The following PTPRM variants were observed in gnomAD, a reference collection of about 807,000 sequenced individuals.
PTPRM encodes the protein protein tyrosine phosphatase receptor type M.
In PTPRM, 47 loss-of-function variants were observed where a neutral mutation model predicts 186.7. The ratio of observed to expected loss-of-function variants is 0.25; its 90% CI spans 0.20 to 0.32. The LOEUF is 0.32. PTPRM is among the 10% of genes least tolerant of loss of function. PTPRM has a pLI of 1.00. For synonymous variants in PTPRM, 668 were observed against 674.9 expected (o/e 0.99, Z 0.16); for missense variants, 1,494 against 1,865.0 (o/e 0.80, Z 3.66).
chr18:7,710,746 G>A (rs556604894), intron 1 of PTPRM, among the ~76,000 whole-genome samples: 1 of 152,216 alleles, frequency 6.6e-6, no homozygotes, highest in East Asian at 1.9e-4. Context: ...CTGCTATATA[G>A]CAACAATGAT....
At chr18:7,691,161 T>C (rs1368855336) in intron 1 of PTPRM, among the ~76,000 whole-genome samples, 2 of 152,186 alleles carry the variant, frequency 1.3e-5, no homozygotes, top group East Asian at 3.8e-4. Flanking sequence ...CCAACTTCTT[T>C]ATAGGGAAAT....
At chr18:8,224,888 G>A (rs533571882) in intron 14 of PTPRM, among the ~76,000 whole-genome samples, 4 of 152,124 alleles carry the variant, frequency 2.6e-5, no homozygotes, top group South Asian at 2.1e-4. Flanking sequence ...TCTTATTTTG[G>A]TAAGAATTTT....
chr18:7,925,146 A>G (rs1449379044), intron 4 of PTPRM, among the ~76,000 whole-genome samples: 1 of 152,206 alleles, frequency 6.6e-6, no homozygotes, highest in Non-Finnish European at 1.5e-5. Flanking sequence ...TAAAAGAGAA[A>G]TTCATTTAGG....
intron 29 of PTPRM, among the ~76,000 whole-genome samples, chr18:8,383,820 C>T (rs2095754651): frequency 6.6e-6 from 1 of 152,198 alleles, no homozygotes; most frequent in Non-Finnish European, 1.5e-5. Flanking sequence ...AATCCACATG[C>T]AATCCCAGCC....
At chr18:8,385,775 A>G (rs1344266625) in intron 30 of PTPRM, among the ~76,000 whole-genome samples, 2 of 152,212 alleles carry the variant, frequency 1.3e-5, no homozygotes, top group African/African-American at 2.4e-5. Flanking sequence ...CAATGGTGTA[A>G]TTTACATTTT....
chr18:7,693,287 C>T (rs1156986407), intron 1 of PTPRM, among the ~76,000 whole-genome samples: 1 of 152,176 alleles, frequency 6.6e-6, no homozygotes, highest in Non-Finnish European at 1.5e-5. Flanking sequence ...TTCTTACCAT[C>T]CTTATGAAGG....
intron 7 of PTPRM, among the ~76,000 whole-genome samples, chr18:8,043,105 T>G (rs2086795558): frequency 6.6e-6 from 1 of 152,188 alleles, no homozygotes; most frequent in Non-Finnish European, 1.5e-5. Flanking sequence ...AAGGGAGATG[T>G]GAAGAGAACA....
intron 7 of PTPRM, among the ~76,000 whole-genome samples, chr18:8,041,355 G>A (rs547645313): frequency 6.6e-6 from 1 of 152,100 alleles, no homozygotes; most frequent in South Asian, 2.1e-4. Context: ...CAGCTCCTTG[G>A]TGGTATATAG....
In PTPRM at chr18:7,959,403, C is replaced by T. The variant is rs138540633; in HGVS notation, c.1132+3989C>T. 4.9e-3 allele frequency among the ~76,000 whole-genome samples: 741 copies of T among 152,268 alleles called. 6 individuals are homozygous for T. The highest frequency in any genetic ancestry group is 0.017 in the African/African-American group (701 of 41,552). ...TTATTTTGGCCAAGCTCTGTGTTTT[C>T]GTTTCTGTGCTGCATCAGTGACACC... On this transcript the variant is annotated intron_variant, in intron 7 of 32. Transcript: ENST00000580170.
intron 7 of PTPRM, among the ~76,000 whole-genome samples, chr18:8,048,340 A>G (rs2087217117): frequency 6.6e-6 from 1 of 151,712 alleles, no homozygotes; most frequent in Admixed American, 6.6e-5. Context: ...TAGAACCTGT[A>G]TTTTCCTTCT....
intron 17 of PTPRM, 44 bp downstream of exon 17, chr18:8,248,220 T>C (rs768382814): frequency 6.7e-7 from 1 of 1,502,610 alleles, no homozygotes; most frequent in Admixed American, 1.7e-5. Flanking sequence ...AGGAGTAATT[T>C]AGAAAGTCAG....
intron 32 of PTPRM, among the ~76,000 whole-genome samples, chr18:8,395,707 G>T (rs559103656): frequency 6.6e-6 from 1 of 152,084 alleles, no homozygotes; most frequent in South Asian, 2.1e-4. Context: ...TTCTAGAAGG[G>T]GCAGAAAGGA....
rs141225394 is a variant in PTPRM, at chr18:7,933,971, T to C, written c.663+7288T>C. Among the ~76,000 whole-genome samples the C allele has an allele frequency of 1.7e-3, 264 of 152,346 alleles. 2 individuals are homozygous for C. Among genetic ancestry groups the C allele is most frequent in the African/African-American group, 6.1e-3 (255 of 41,592 alleles). ...ATCTTTCCTAAATCTTCATTTCTTG[T>C]ACCCTTTGCCTAGGTTTTCTTATTC... On this transcript the variant is annotated intron_variant, in intron 5 of 32. Transcript: ENST00000580170.
At chr18:8,176,498 A>G (rs571884152) in intron 14 of PTPRM, among the ~76,000 whole-genome samples, 3 of 152,204 alleles carry the variant, frequency 2.0e-5, no homozygotes, top group Admixed American at 1.3e-4. Context: ...AAATATATGT[A>G]TACATATGTA....
chr18:7,913,724 C>T (rs567467806), intron 4 of PTPRM, among the ~76,000 whole-genome samples: 13 of 152,118 alleles, frequency 8.5e-5, no homozygotes, highest in Non-Finnish European at 1.3e-4. Context: ...AAACATTATA[C>T]GAAGTTACTG....
chr18:7,650,764 A>G (rs1568005480), intron 1 of PTPRM, among the ~76,000 whole-genome samples: 2 of 151,886 alleles, frequency 1.3e-5, no homozygotes, highest in African/African-American at 4.8e-5. Context: ...ACATTATAAA[A>G]CACACATGGG....
chr18:7,888,162 C>G lies in PTPRM; in HGVS notation c.253C>G (p.Leu85Val). ...GRPEGQRAHL[L>V]LPQLKENDTH... ...ACCTGAGGGGCAGAGAGCCCACCTG[C>G]TCTTACCCCAACTTAAAGAAAATGA... The change falls in exon 3 of 33, where the codon CTC becomes GTC. Residue 85 changes from leucine (L) to valine (V), a missense_variant. Around this residue, in one of 3 missense-constraint regions of PTPRM, gnomAD observed 296 missense variants for 345.5 expected, o/e 0.86. Coordinates refer to ENST00000580170, the MANE Select transcript of PTPRM (RefSeq NM_001105244.2). 1 of 1,614,122 alleles carries G rather than the reference C, an allele frequency of 6.2e-7. No individual in the cohort carries two copies. The highest frequency in any genetic ancestry group is 8.5e-7 in the Non-Finnish European group (1 of 1,180,014).
chr18:7,850,801 A>G lies in PTPRM; in HGVS notation c.197-37305A>G, dbSNP rs570569439. Among the ~76,000 whole-genome samples the G allele has an allele frequency of 1.5e-3, 226 of 152,338 alleles. 1 individual carries two copies. The highest frequency in any genetic ancestry group is 5.3e-3 in the African/African-American group (222 of 41,576). On this transcript the variant is annotated intron_variant, in intron 2 of 32. Coordinates refer to ENST00000580170, the MANE Select transcript of PTPRM (RefSeq NM_001105244.2). ...ACTGTAGCCTCAGATTTTCTCTACA[A>G]GTTTTTATTTCCAGTGTTATTCAAT... is the stretch of plus-strand genomic sequence containing the variant.
At chr18:7,694,447 G>GTTA (rs1568034103) in intron 1 of PTPRM, among the ~76,000 whole-genome samples, 4 of 128,952 alleles carry the variant, frequency 3.1e-5, no homozygotes, top group Non-Finnish European at 3.1e-5. Context: ...TTTTTTTTTC[G>GTTA]ACAGAGTCTC....
Sources: gnomAD v4.1 joint callset for allele counts (sites outside exome capture counted in the v4.1 genomes callset) on GRCh38, gnomAD v4.1.1 for gene constraint, gnomAD v4.1.1 regional missense constraint, MANE v1.5 for transcripts, NCBI Gene and HGNC (gene_info 2026-07-23, HGNC 2026-07-21) for gene names.